The following FBXO25 variants were observed in gnomAD, a reference collection of about 807,000 sequenced individuals.
FBXO25 encodes the protein F-box only protein 25.
In FBXO25, 45 loss-of-function variants were observed where a neutral mutation model predicts 51.9. The ratio of observed to expected loss-of-function variants is 0.87; its 90% CI spans 0.68 to 1.11. The LOEUF (loss-of-function observed/expected upper bound fraction) is 1.11, where lower values mean the gene tolerates loss of function less well. FBXO25 is among the 50% of genes most tolerant of loss of function. The pLI is 0.00. For missense variants in FBXO25, 507 were observed against 428.5 expected (o/e 1.18, Z -1.62); for synonymous variants, 199 against 151.0 (o/e 1.32, Z -2.33).
rs187570858 is a variant in FBXO25, at chr8:413,273, A to G, written c.134+60A>G. The G allele has an allele frequency of 7.7e-5, 109 of 1,419,740 alleles. No individual in the cohort carries two copies. The African/African-American group carries it at 1.3e-3, about 17-fold the overall frequency. 87.9% of individuals were successfully genotyped at this position (1,419,740 alleles called of 1,614,324 possible). On this transcript the variant is annotated intron_variant, in intron 2 of 9. Coordinates refer to ENST00000350302, the MANE Select transcript of FBXO25 (RefSeq NM_183420.2). Reference sequence around the variant, plus strand: ...CAGTTTAGCATGTATGGCCTTACCTATTTTTCAAGTCCCTGCAAAGCTCCA... The same window carrying G: ...CAGTTTAGCATGTATGGCCTTACCTGTTTTTCAAGTCCCTGCAAAGCTCCA...
chr8:468,924 G>A lies in FBXO25; in HGVS notation c.*120G>A. The A allele has an allele frequency of 1.1e-6, 1 of 878,998 alleles. No individual in the cohort carries two copies. The highest frequency in any genetic ancestry group is 1.7e-6 in the Non-Finnish European group (1 of 593,884). 54.4% of individuals were successfully genotyped at this position (878,998 alleles called of 1,614,324 possible). A position where few individuals can be genotyped will look rare whatever the true frequency, so the allele number is the denominator to read the frequency against. On this transcript the variant is annotated 3_prime_UTR_variant, in exon 10 of 10. Coordinates refer to ENST00000350302, the MANE Select transcript of FBXO25 (RefSeq NM_183420.2). ...GAAGCCCCTGCTTCCAGAAAGCCTG[G>A]GAAGAACTGCCCTTCTGCAAAGGGG...
chr8:434,099 G>GAACC (rs1563075965), intron 4 of FBXO25, among the ~76,000 whole-genome samples: 1 of 152,174 alleles, frequency 6.6e-6, no homozygotes, highest in Non-Finnish European at 1.5e-5. Flanking sequence ...GGAATGCTAG[G>GAACC]AACCAGGACC....
intron 9 of FBXO25, among the ~76,000 whole-genome samples, chr8:466,872 G>A (rs1021128973): frequency 6.6e-6 from 1 of 152,208 alleles, no homozygotes; most frequent in African/African-American, 2.4e-5. Context: ...TCCACTGAGA[G>A]GGGTGGCGTT....
intron 2 of FBXO25, among the ~76,000 whole-genome samples, chr8:425,264 A>C (rs1258599223): frequency 1.3e-5 from 2 of 152,120 alleles, no homozygotes; most frequent in Non-Finnish European, 2.9e-5. Flanking sequence ...TAGACACTAT[A>C]GTTTAGTGTT....
Position 470,228 on chromosome 8 carries a change from TATG to T in FBXO25, c.*1427_*1429del, listed in dbSNP as rs1354426670. The T allele has an allele frequency of 6.6e-6, 1 of 152,212 alleles. No homozygotes were observed. The highest frequency in any genetic ancestry group is 1.5e-5 in the Non-Finnish European group (1 of 68,048). 9.4% of individuals were successfully genotyped at this position (152,212 alleles called of 1,614,324 possible). The stretch of plus-strand genomic sequence containing the variant: ...GTGTCTCGCCGTTAGCATCAATAAC[TATG>T]ATAAGCATCGTCACACAACAATGTG... On this transcript the variant is annotated 3_prime_UTR_variant, in exon 10 of 10. Transcript: ENST00000350302.
chr8:458,449 G>T lies in FBXO25; in HGVS notation c.741G>T (p.Trp247Cys). The T allele has an allele frequency of 6.2e-7, 1 of 1,614,160 alleles. No homozygotes were observed. Among genetic ancestry groups the T allele is most frequent in the Non-Finnish European group, 8.5e-7 (1 of 1,180,040 alleles). ...TCCTATACCGGTTCTCAGACGGATG[G>T]GACATCATCACCTTAGGCCAGGTGA... ...NNILYRFSDGWDIITLGQVTP... is the reference protein window; with the variant it reads ...NNILYRFSDGCDIITLGQVTP... The change falls in exon 8 of 10, where the codon TGG (tryptophan) becomes TGT (cysteine). Residue 247 changes from tryptophan (W) to cysteine (C), a missense_variant. Physicochemically the swap from Trp to Cys is radical, Grantham distance 215. Coordinates refer to ENST00000350302, the MANE Select transcript of FBXO25 (RefSeq NM_183420.2).
At chr8:438,629 G>T (rs1205557853) in intron 5 of FBXO25, among the ~76,000 whole-genome samples, 3 of 152,200 alleles carry the variant, frequency 2.0e-5, no homozygotes, top group Non-Finnish European at 4.4e-5. Context: ...CTGTCCAGGG[G>T]CAGATGCTCT....
chr8:426,401 C>G (rs1797481711), intron 2 of FBXO25, among the ~76,000 whole-genome samples: 1 of 152,132 alleles, frequency 6.6e-6, no homozygotes, highest in East Asian at 1.9e-4. Context: ...TACTACAAAG[C>G]CACTCACGAG....
At chr8:429,160 A>T (rs1261739032) in intron 2 of FBXO25, among the ~76,000 whole-genome samples, 1 of 152,094 alleles carries the variant, frequency 6.6e-6, no homozygotes, top group African/African-American at 2.4e-5. Context: ...TCCCACCAAC[A>T]TTGCACGAGG....
rs948281810 is a variant in FBXO25, at chr8:475,500, T to C, written c.*6696T>C. The C allele has an allele frequency of 6.5e-6, 1 of 152,898 alleles. No individual in the cohort carries two copies. Among genetic ancestry groups the C allele is most frequent in the South Asian group, 2.1e-4 (1 of 4,852 alleles). 9.5% of individuals were successfully genotyped at this position (152,898 alleles called of 1,614,324 possible). ...ATATTCTGATAGAGATTGCATGAAA[T>C]CTATAGATTGCTTTGGACTATGGAC... On this transcript the variant is annotated 3_prime_UTR_variant, in exon 10 of 10. Coordinates refer to ENST00000350302, the MANE Select transcript of FBXO25 (RefSeq NM_183420.2).
At chr8:420,966 A>G (rs566457228) in intron 2 of FBXO25, among the ~76,000 whole-genome samples, 1 of 152,358 alleles carries the variant, frequency 6.6e-6, no homozygotes, top group South Asian at 2.1e-4. Context: ...ACTGTGACAG[A>G]TGAATCAAAT....
At chr8:435,411 CG>C (rs1391177680) in intron 4 of FBXO25, 1 of 566,618 alleles carries the variant, frequency 1.8e-6, no homozygotes, top group African/African-American at 2.0e-5. Flanking sequence ...TGTCAGTTAA[CG>C]GTGTCTCAGG....
At chr8:445,922 C>T (rs1360025204) in intron 5 of FBXO25, among the ~76,000 whole-genome samples, 1 of 152,198 alleles carries the variant, frequency 6.6e-6, no homozygotes, top group African/African-American at 2.4e-5. Context: ...CACCTTGGCA[C>T]CCTCCTGGTG....
intron 4 of FBXO25, among the ~76,000 whole-genome samples, chr8:435,195 A>C (rs1798029989): frequency 6.6e-6 from 1 of 152,180 alleles, no homozygotes; most frequent in Non-Finnish European, 1.5e-5. Flanking sequence ...CTGTGTTTCA[A>C]CTAGATATTT....
chr8:468,411 C>T (rs1398947287), intron 9 of FBXO25: 5 of 450,050 alleles, frequency 1.1e-5, no homozygotes, highest in East Asian at 1.6e-4. Flanking sequence ...TTGTAGATTC[C>T]GGGGCAGTGC....
chr8:436,843 G>T (rs1585046706), intron 5 of FBXO25, among the ~76,000 whole-genome samples: 1 of 152,192 alleles, frequency 6.6e-6, no homozygotes, highest in Non-Finnish European at 1.5e-5. Flanking sequence ...TTGACCATCT[G>T]TCTACATAAA....
intron 9 of FBXO25, among the ~76,000 whole-genome samples, chr8:467,160 C>T (rs1364042679): frequency 6.6e-6 from 1 of 152,106 alleles, no homozygotes; most frequent in Non-Finnish European, 1.5e-5. Context: ...CGGGGGAGAA[C>T]AGCACAGGAG....
At chr8:454,635 T>C (rs1799300556) in intron 7 of FBXO25, among the ~76,000 whole-genome samples, 1 of 152,170 alleles carries the variant, frequency 6.6e-6, no homozygotes, top group Admixed American at 6.5e-5. Flanking sequence ...CTCACGCCAG[T>C]AGTCCCAGCA....
intron 5 of FBXO25, among the ~76,000 whole-genome samples, chr8:443,386 T>C (rs535408688): frequency 1.3e-5 from 2 of 151,590 alleles, no homozygotes; most frequent in Admixed American, 1.3e-4. Context: ...TTGTAGAGTA[T>C]GACTAAACAC....
Sources: gnomAD v4.1 joint callset for allele counts (sites outside exome capture counted in the v4.1 genomes callset) on GRCh38, gnomAD v4.1.1 for gene constraint, MANE v1.5 for transcripts, NCBI Gene and HGNC (gene_info 2026-07-23, HGNC 2026-07-21) for gene names.